Variants in GALNT13 observed in about 807,000 individuals in gnomAD.
GALNT13 encodes UDP-GalNAc:polypeptide N-acetylgalactosaminyltransferase 13.
In GALNT13, 28 loss-of-function variants were observed where a neutral mutation model predicts 64.2. The ratio of observed to expected loss-of-function variants is 0.44; its 90% CI spans 0.32 to 0.60. GALNT13 has a LOEUF of 0.60. Ranked by LOEUF, GALNT13 falls within the 20% of genes least tolerant of loss-of-function variation. The probability of loss-of-function intolerance (pLI) is 0.05; values close to 1 mark genes in which losing one functional copy is unlikely to be tolerated. For missense variants in GALNT13, 577 were observed against 669.8 expected (o/e 0.86, Z 1.53); for synonymous variants, 214 against 224.6 (o/e 0.95, Z 0.42).
At chr2:153,177,763 C>T in the GALNT13 span, among the ~76,000 whole-genome samples, 2 of 151,966 alleles carry the variant, frequency 1.3e-5, no homozygotes, top group African/African-American at 4.8e-5. Context: ...AAAGTGTGTA[C>T]TACATTATTA....
the GALNT13 span, among the ~76,000 whole-genome samples, chr2:153,781,845 TA>T: frequency 2.6e-5 from 4 of 152,112 alleles, no homozygotes; most frequent in Admixed American, 6.6e-5. Context: ...CACTTCCAAT[TA>T]ATAGAATATG....
chr2:153,894,376 C>T lies in GALNT13; in HGVS notation c.-176-6560C>T, dbSNP rs1464089089. On this transcript the variant is annotated intron_variant, in intron 1 of 12. Coordinates refer to ENST00000392825, the MANE Select transcript of GALNT13 (RefSeq NM_052917.4). ...GATGTAGAGACTGGATATGGAATTA[C>T]GCAGTGATATAAATTGGCTGATGAA... Among the ~76,000 whole-genome samples, 6 of 152,074 alleles carry T rather than the reference C, an allele frequency of 3.9e-5. No homozygotes were observed. The South Asian group carries it at 6.2e-4, about 16-fold the overall frequency.
the GALNT13 span, among the ~76,000 whole-genome samples, chr2:153,120,302 A>G: frequency 5.3e-5 from 8 of 152,356 alleles, no homozygotes; most frequent in East Asian, 1.5e-3. Flanking sequence ...ATGAAGGAAA[A>G]TAAGTCTTCC....
At chr2:153,304,273 A>C in the GALNT13 span, among the ~76,000 whole-genome samples, 1 of 151,864 alleles carries the variant, frequency 6.6e-6, no homozygotes, top group East Asian at 1.9e-4. Flanking sequence ...ACATGAGGGC[A>C]ATTTGTAGAA....
chr2:153,728,989 G>C, the GALNT13 span, among the ~76,000 whole-genome samples: 4 of 152,080 alleles, frequency 2.6e-5, no homozygotes, highest in African/African-American at 9.7e-5. Context: ...AATTGAGGCA[G>C]TAATTAATAG....
At chr2:153,799,846 A>G in the GALNT13 span, among the ~76,000 whole-genome samples, 1 of 152,106 alleles carries the variant, frequency 6.6e-6, no homozygotes, top group Non-Finnish European at 1.5e-5. Flanking sequence ...AGAGTCCTGA[A>G]ATGAGGAAAT....
At chr2:153,077,198 TA>T in the GALNT13 span, among the ~76,000 whole-genome samples, 1 of 152,046 alleles carries the variant, frequency 6.6e-6, no homozygotes, top group African/African-American at 2.4e-5. Context: ...GTGATCCACC[TA>T]CCTCAGCCTC....
the GALNT13 span, among the ~76,000 whole-genome samples, chr2:153,572,429 T>G: frequency 1.3e-5 from 2 of 151,720 alleles, no homozygotes; most frequent in African/African-American, 4.8e-5. Flanking sequence ...CTTTTGTACT[T>G]TCAATTTTAT....
chr2:153,696,900 C>T, the GALNT13 span, among the ~76,000 whole-genome samples: 1 of 152,138 alleles, frequency 6.6e-6, no homozygotes, highest in Non-Finnish European at 1.5e-5. Context: ...TCTCAGACTC[C>T]CTTGTTTCTA....
chr2:153,494,786 G>T, the GALNT13 span, among the ~76,000 whole-genome samples: 2 of 152,006 alleles, frequency 1.3e-5, no homozygotes, highest in African/African-American at 4.8e-5. Context: ...TTTGCACTTT[G>T]AAAGAAAACT....
At chr2:153,842,785 G>T in the GALNT13 span, among the ~76,000 whole-genome samples, 4 of 151,906 alleles carry the variant, frequency 2.6e-5, no homozygotes, top group African/African-American at 9.6e-5. Context: ...AGGTAACCCA[G>T]ATGCTGTAAT....
the GALNT13 span, among the ~76,000 whole-genome samples, chr2:153,296,440 A>G: frequency 6.6e-6 from 1 of 152,192 alleles, no homozygotes; most frequent in African/African-American, 2.4e-5. Flanking sequence ...AGAAAATCCA[A>G]GTGTTTCAAA....
the GALNT13 span, among the ~76,000 whole-genome samples, chr2:153,381,303 G>T: frequency 1.2e-4 from 19 of 152,010 alleles, no homozygotes; most frequent in Non-Finnish European, 2.6e-4. Flanking sequence ...AAGGAACAAA[G>T]CCTTTTTTTT....
chr2:153,779,892 G>T, the GALNT13 span, among the ~76,000 whole-genome samples: 1 of 151,958 alleles, frequency 6.6e-6, no homozygotes, highest in Non-Finnish European at 1.5e-5. Context: ...AATAAATCAA[G>T]AACTGTTTAC....
At chr2:153,380,122 A>C in the GALNT13 span, among the ~76,000 whole-genome samples, 1 of 152,106 alleles carries the variant, frequency 6.6e-6, no homozygotes, top group South Asian at 2.1e-4. Context: ...TTCCATATCC[A>C]TGGCCTCCAC....
At chr2:153,099,633 C>T in the GALNT13 span, among the ~76,000 whole-genome samples, 1 of 152,216 alleles carries the variant, frequency 6.6e-6, no homozygotes, top group East Asian at 1.9e-4. Flanking sequence ...CTGTACTATG[C>T]AAGATGTGGG....
the GALNT13 span, among the ~76,000 whole-genome samples, chr2:153,694,220 T>C: frequency 6.6e-6 from 1 of 152,208 alleles, no homozygotes; most frequent in Admixed American, 6.5e-5. Flanking sequence ...CCCTTCGGCC[T>C]AGCGAGTTTG....
the GALNT13 span, among the ~76,000 whole-genome samples, chr2:153,162,129 G>C: frequency 6.6e-6 from 1 of 152,130 alleles, no homozygotes; most frequent in African/African-American, 2.4e-5. Context: ...CTGCCAGAGA[G>C]ACTCCAGCTT....
intron 4 of GALNT13, among the ~76,000 whole-genome samples, chr2:154,169,801 C>A (rs1573799236): frequency 6.6e-6 from 1 of 152,082 alleles, no homozygotes; most frequent in Non-Finnish European, 1.5e-5. Context: ...ATAGCACCCA[C>A]CGTATTCAAT....
Sources: allele counts gnomAD v4.1 joint callset (sites outside exome capture counted in the v4.1 genomes callset), GRCh38; gene constraint gnomAD v4.1.1; transcripts MANE v1.5; gene names NCBI Gene and HGNC (gene_info 2026-07-23, HGNC 2026-07-21).